Variants in ASIC2 observed in about 807,000 individuals in gnomAD.
The protein encoded by ASIC2 is acid-sensing ion channel 2.
Under a neutral mutation model 57.3 loss-of-function variants are expected in ASIC2, and 25 were observed. That is an observed-to-expected ratio of 0.44 (90% confidence interval 0.32 to 0.61). The LOEUF (loss-of-function observed/expected upper bound fraction) is 0.61. ASIC2 is among the 20% of genes least tolerant of loss of function. The pLI is 0.06. For synonymous variants in ASIC2, 319 were observed against 307.5 expected (o/e 1.04, Z -0.39); for missense variants, 641 against 738.1 (o/e 0.87, Z 1.52).
intron 1 of ASIC2, among the ~76,000 whole-genome samples, chr17:33,615,450 TG>T (rs1183264435): frequency 6.6e-6 from 1 of 152,244 alleles, no homozygotes; most frequent in African/African-American, 2.4e-5. Flanking sequence ...TGGAAAATTA[TG>T]GACATTGAGT....
rs150481012 is a variant in ASIC2, at chr17:33,819,670, T to G, written c.555+336308A>C. 8.7e-4 allele frequency among the ~76,000 whole-genome samples: 133 copies of G among 152,316 alleles called. 2 individuals carry two copies. The East Asian group carries it at 0.023, about 26-fold the overall frequency. ...GTGACCTTGGCCATGCCAGAGGATC[T>G]CCGGCAGAGTTGCAACAGTGCATCA... On this transcript the variant is annotated intron_variant, in intron 1 of 9. Coordinates refer to the ASIC2 transcript ENST00000359872.
chr17:33,789,694 G>A (rs1641816974), intron 1 of ASIC2, among the ~76,000 whole-genome samples: 1 of 152,174 alleles, frequency 6.6e-6, no homozygotes, highest in South Asian at 2.1e-4. Flanking sequence ...TGTGTATTGA[G>A]TGATTTGAGA....
chr17:33,865,764 A>C (rs1567739086), intron 1 of ASIC2, among the ~76,000 whole-genome samples: 9 of 79,954 alleles, frequency 1.1e-4, no homozygotes, highest in East Asian at 4.0e-4. Flanking sequence ...AAAAATAAAA[A>C]AAAAAAACAA....
At chr17:33,466,289 T>C (rs192664725) in intron 1 of ASIC2, among the ~76,000 whole-genome samples, 1 of 152,258 alleles carries the variant, frequency 6.6e-6, no homozygotes, top group Admixed American at 6.5e-5. Context: ...ACAAGGTATG[T>C]GAAGGACCTC....
At chr17:33,239,411 G>A (rs977547576) in intron 1 of ASIC2, among the ~76,000 whole-genome samples, 1 of 152,114 alleles carries the variant, frequency 6.6e-6, no homozygotes, top group South Asian at 2.1e-4. Flanking sequence ...ACATAACACT[G>A]ATTCCATCTG....
At chr17:33,906,210 A>G (rs747223032) in intron 1 of ASIC2, among the ~76,000 whole-genome samples, 2 of 152,034 alleles carry the variant, frequency 1.3e-5, no homozygotes, top group South Asian at 4.2e-4. Context: ...CAGGAGACCT[A>G]TGGTCTTCTC....
At chr17:33,156,393 T>C (rs1168607025) in intron 1 of ASIC2, among the ~76,000 whole-genome samples, 2 of 152,048 alleles carry the variant, frequency 1.3e-5, no homozygotes, top group African/African-American at 4.8e-5. Flanking sequence ...CCCAAAGTGC[T>C]AGGATTAGGC....
At chr17:33,475,802 C>T (rs1913200815) in intron 1 of ASIC2, among the ~76,000 whole-genome samples, 1 of 152,188 alleles carries the variant, frequency 6.6e-6, no homozygotes, top group Admixed American at 6.5e-5. Context: ...CTGCAGCCCT[C>T]CCCCATCCCC....
chr17:33,770,906 G>A (rs1911083437), intron 1 of ASIC2, among the ~76,000 whole-genome samples: 1 of 152,136 alleles, frequency 6.6e-6, no homozygotes, highest in African/African-American at 2.4e-5. Flanking sequence ...AGCACCTTCT[G>A]GCACAAAGGA....
At chr17:34,040,486 C>T (rs1414675247) in intron 1 of ASIC2, among the ~76,000 whole-genome samples, 5 of 151,968 alleles carry the variant, frequency 3.3e-5, no homozygotes, top group Admixed American at 3.3e-4. Flanking sequence ...CCGCTGCCCC[C>T]TGAATTTGTT....
intron 1 of ASIC2, among the ~76,000 whole-genome samples, chr17:33,797,101 A>C (rs1320360723): frequency 6.6e-6 from 1 of 152,240 alleles, no homozygotes; most frequent in East Asian, 1.9e-4. Context: ...TCAGTGCCAT[A>C]GTTTCACCCC....
intron 1 of ASIC2, among the ~76,000 whole-genome samples, chr17:33,662,133 C>T (rs973584308): frequency 6.6e-6 from 1 of 152,178 alleles, no homozygotes; most frequent in Non-Finnish European, 1.5e-5. Context: ...ATCATTATTA[C>T]TCTCATCTTA....
chr17:33,727,796 G>A (rs1023309089), intron 1 of ASIC2, among the ~76,000 whole-genome samples: 2 of 152,156 alleles, frequency 1.3e-5, no homozygotes, highest in African/African-American at 4.8e-5. Flanking sequence ...TTATAGCAAT[G>A]TAAGAGTGGG....
chr17:33,776,666 G>C (rs1911290409), intron 1 of ASIC2, among the ~76,000 whole-genome samples: 1 of 152,134 alleles, frequency 6.6e-6, no homozygotes, highest in South Asian at 2.1e-4. Flanking sequence ...AACACACAAA[G>C]GCCGGGGGGT....
chr17:33,641,970 A>AT (rs1393415908), intron 1 of ASIC2, among the ~76,000 whole-genome samples: 1 of 152,100 alleles, frequency 6.6e-6, no homozygotes, highest in Non-Finnish European at 1.5e-5. Context: ...CCTATTTTTT[A>AT]TTTTTAGTTT....
At chr17:34,117,186 T>C (rs1288724071) in intron 1 of ASIC2, among the ~76,000 whole-genome samples, 1 of 152,210 alleles carries the variant, frequency 6.6e-6, no homozygotes, top group African/African-American at 2.4e-5. Context: ...AACATCTATA[T>C]GGGCTACACA....
rs773191992 is a variant in ASIC2 at position 33,291,735 on chromosome 17, C to T, written c.381G>A (p.Gln127=). The T allele has an allele frequency of 9.9e-6, 16 of 1,613,148 alleles. No homozygotes were observed. In the South Asian group the frequency reaches 1.3e-4, roughly 13 times the overall value. ...HTRVHREWSR[Q]LPFPAVTVCN... is the part of the protein sequence containing the mutation. ...ACACAGTGACGGCGGGGAAGGGTAACTGGCGGCTCCACTCGCGGTGCACCC... is the reference window on the plus strand; with the variant it reads ...ACACAGTGACGGCGGGGAAGGGTAATTGGCGGCTCCACTCGCGGTGCACCC... The change falls in exon 1 of 10, where the codon CAG becomes CAA. Residue 127 remains glutamine, a synonymous_variant. Coordinates refer to ENST00000225823, the MANE Select transcript of ASIC2 (RefSeq NM_183377.2).
intron 1 of ASIC2, among the ~76,000 whole-genome samples, chr17:33,447,286 GC>G (rs5820039): frequency 0.35 from 53,361 of 152,008 alleles, 9,423 homozygotes; most frequent in Middle Eastern, 0.44. Flanking sequence ...GAAAAGCAGA[GC>G]CAGAGTCTGT....
At chr17:33,792,391 G>A (rs929148009) in intron 1 of ASIC2, 1 of 152,206 alleles carries the variant, frequency 6.6e-6, no homozygotes, top group Non-Finnish European at 1.5e-5. Context: ...AATAGAATAT[G>A]TAGCTATTTC....
Sources: gnomAD v4.1 joint callset for allele counts (sites outside exome capture counted in the v4.1 genomes callset) on GRCh38, gnomAD v4.1.1 for gene constraint, MANE v1.5 for transcripts, NCBI Gene and HGNC (gene_info 2026-07-23, HGNC 2026-07-21) for gene names.